CCDC30: variants seen among roughly 807,000 people sequenced by gnomAD.
The protein encoded by CCDC30 is coiled-coil domain-containing protein 30.
In CCDC30, 70 loss-of-function variants were observed where a neutral mutation model predicts 100.2. That is an observed-to-expected ratio of 0.70 (90% confidence interval 0.58 to 0.85). The LOEUF (loss-of-function observed/expected upper bound fraction) is 0.85. Among genes scored for constraint, CCDC30 ranks in the 40% least tolerant of loss-of-function variants. The probability of loss-of-function intolerance (pLI) is 0.00; values close to 1 mark genes in which losing one functional copy is unlikely to be tolerated. For synonymous variants in CCDC30, 233 were observed against 269.5 expected, an observed-to-expected ratio of 0.86 and a Z score of 1.33; for missense variants, 652 against 771.2, an observed-to-expected ratio of 0.85 and a Z score of 1.83.
intron 1 of CCDC30, among the ~76,000 whole-genome samples, chr1:42,471,425 A>G (rs554625985): frequency 1.0e-3 from 155 of 152,254 alleles, no homozygotes; most frequent in African/African-American, 3.6e-3. Flanking sequence ...ACTTTGAGGT[A>G]TTTGCTTCCA....
At chr1:42,476,747 T>C (rs987002102) in intron 1 of CCDC30, among the ~76,000 whole-genome samples, 9 of 151,600 alleles carry the variant, frequency 5.9e-5, no homozygotes, top group African/African-American at 1.9e-4. Flanking sequence ...TTATTATATA[T>C]GGTCAGTGAT....
chr1:42,649,023 G>C (rs368658635), intron 15 of CCDC30, among the ~76,000 whole-genome samples: 3 of 151,966 alleles, frequency 2.0e-5, no homozygotes, highest in Admixed American at 6.6e-5. Context: ...TTCAACAAAC[G>C]AATAATGAAT....
chr1:42,491,235 T>G (rs1025774210), intron 4 of CCDC30, among the ~76,000 whole-genome samples: 2 of 152,138 alleles, frequency 1.3e-5, no homozygotes, highest in Non-Finnish European at 2.9e-5. Flanking sequence ...CTAATTGATA[T>G]TTATAGAAAA....
intron 3 of CCDC30, among the ~76,000 whole-genome samples, chr1:42,488,460 T>C (rs1310722976): frequency 1.3e-5 from 2 of 152,094 alleles, no homozygotes; most frequent in African/African-American, 4.8e-5. Context: ...ACTACAGGCG[T>C]GTAGTGCCAC....
chr1:42,459,517 A>C, upstream of CCDC30: 1 of 1,165,966 alleles, frequency 8.6e-7, no homozygotes, highest in Non-Finnish European at 1.2e-6. Flanking sequence ...AATCCCACTT[A>C]AATTTAATTC....
intron 4 of CCDC30, among the ~76,000 whole-genome samples, chr1:42,490,734 G>T (rs1456914202): frequency 2.0e-5 from 3 of 152,020 alleles, no homozygotes; most frequent in Non-Finnish European, 2.9e-5. Flanking sequence ...CTATTTCTTA[G>T]ATAAGCAAAC....
At chr1:42,587,477 T>A (rs963019499) in intron 9 of CCDC30, among the ~76,000 whole-genome samples, 1 of 152,086 alleles carries the variant, frequency 6.6e-6, no homozygotes, top group Admixed American at 6.6e-5. Flanking sequence ...GTGAATTAGA[T>A]GAAGGAGAGA....
At chr1:42,594,082 A>G (rs1465431594) in intron 10 of CCDC30, 2 of 152,250 alleles carry the variant, frequency 1.3e-5, no homozygotes, top group South Asian at 2.1e-4. Flanking sequence ...ACTATAATTC[A>G]TATAAATAAA....
At chr1:42,517,777 T>C (rs534992693) in intron 6 of CCDC30, among the ~76,000 whole-genome samples, 2 of 152,332 alleles carry the variant, frequency 1.3e-5, no homozygotes, top group African/African-American at 2.4e-5. Context: ...ATATGCAAGA[T>C]CAAATATGCG....
upstream of CCDC30, chr1:42,460,378 A>G: frequency 3.0e-6 from 3 of 987,302 alleles, no homozygotes; most frequent in South Asian, 9.3e-5. Flanking sequence ...ATCAAGTGCA[A>G]TAAAGTGTGT....
chr1:42,541,850 G>T (rs1256454670), intron 6 of CCDC30, among the ~76,000 whole-genome samples: 1 of 152,146 alleles, frequency 6.6e-6, no homozygotes, highest in African/African-American at 2.4e-5. Flanking sequence ...CATTTTACAG[G>T]CTGTCATTTT....
intron 9 of CCDC30, 41 bp downstream of exon 13, chr1:42,581,555 A>T (rs1405111569): frequency 6.4e-7 from 1 of 1,570,886 alleles, no homozygotes; most frequent in South Asian, 1.2e-5. Context: ...GGGTTTAGCC[A>T]TGACTGAGTT....
chr1:42,479,341 A>C (rs1339559653), intron 1 of CCDC30, among the ~76,000 whole-genome samples: 1 of 152,090 alleles, frequency 6.6e-6, no homozygotes, highest in East Asian at 1.9e-4. Context: ...GCACCATTGC[A>C]TTCCAGCCTG....
chr1:42,551,358 C>T (rs1557847013), intron 6 of CCDC30, among the ~76,000 whole-genome samples: 1 of 152,096 alleles, frequency 6.6e-6, no homozygotes, highest in Non-Finnish European at 1.5e-5. Flanking sequence ...AGACTGGTGA[C>T]AATTGCAGAA....
chr1:42,484,937 G>A (rs915145301), intron 3 of CCDC30, among the ~76,000 whole-genome samples: 2 of 152,066 alleles, frequency 1.3e-5, no homozygotes, highest in African/African-American at 4.8e-5. Context: ...ATTATGATGT[G>A]TGGCCTTTAT....
At chr1:42,496,446 CTGTT>C (rs1448252903) in intron 4 of CCDC30, among the ~76,000 whole-genome samples, 1 of 150,918 alleles carries the variant, frequency 6.6e-6, no homozygotes, top group Non-Finnish European at 1.5e-5. Flanking sequence ...ACAACTTTGT[CTGTT>C]TGTATATTAC....
At chr1:42,611,156 T>C in intron 11 of CCDC30, 66 bp downstream of exon 15, 1 of 933,532 alleles carries the variant, frequency 1.1e-6, no homozygotes, top group Non-Finnish European at 1.7e-6. Flanking sequence ...CTGAGCAGGC[T>C]CTAGGGCTAA....
intron 10 of CCDC30, chr1:42,595,226 G>A (rs1264325563): frequency 6.6e-6 from 1 of 152,126 alleles, no homozygotes; most frequent in African/African-American, 2.4e-5. Context: ...ACAAATGGTG[G>A]TCCTGGCAAA....
At chr1:42,517,844 T>C (rs1038028314) in intron 6 of CCDC30, among the ~76,000 whole-genome samples, 2 of 152,228 alleles carry the variant, frequency 1.3e-5, no homozygotes, top group Admixed American at 1.3e-4. Context: ...TTGTCTTTAT[T>C]CAATTATGAC....
Sources: gnomAD v4.1 joint callset for allele counts (sites outside exome capture counted in the v4.1 genomes callset) on GRCh38, gnomAD v4.1.1 for gene constraint, MANE v1.5 for transcripts, NCBI Gene and HGNC (gene_info 2026-07-23, HGNC 2026-07-21) for gene names.